The following EXT1 variants were observed in gnomAD, a reference collection of about 807,000 sequenced individuals.
The protein encoded by EXT1 is exostosin-1.
In EXT1, 20 loss-of-function variants were observed where a neutral mutation model predicts 82.5. That is an observed-to-expected ratio of 0.24 (90% CI 0.17 to 0.35). EXT1 has a LOEUF of 0.35. Among genes scored for constraint, EXT1 ranks in the 10% least tolerant of loss-of-function variants. The pLI, the probability that EXT1 is intolerant of heterozygous loss-of-function variation, is 1.00. For missense variants in EXT1, 757 were observed against 936.5 expected (o/e 0.81, Z 2.50); for synonymous variants, 348 against 350.8 (o/e 0.99, Z 0.09).
intron 1 of EXT1, among the ~76,000 whole-genome samples, chr8:118,066,528 T>C (rs564777201): frequency 6.6e-6 from 1 of 151,982 alleles, no homozygotes; most frequent in East Asian, 1.9e-4. Context: ...CCCAAAATAG[T>C]TTTTGTATTC....
At chr8:118,017,117 C>G (rs1816018113) in intron 1 of EXT1, among the ~76,000 whole-genome samples, 1 of 152,190 alleles carries the variant, frequency 6.6e-6, no homozygotes, top group Non-Finnish European at 1.5e-5. Flanking sequence ...AGATGTCCAT[C>G]ATCTTGAACG....
intron 1 of EXT1, among the ~76,000 whole-genome samples, chr8:117,858,856 A>AG (rs1269628326): frequency 2.7e-5 from 1 of 36,948 alleles, no homozygotes; most frequent in African/African-American, 1.1e-4. Flanking sequence ...AAAGAAAGAA[A>AG]GAAAGAAAGA....
At chr8:117,965,515 TA>T (rs1814790260) in intron 1 of EXT1, among the ~76,000 whole-genome samples, 2 of 152,080 alleles carry the variant, frequency 1.3e-5, no homozygotes, top group South Asian at 4.2e-4. Context: ...AGTCTCTGAT[TA>T]AATAGTTTCA....
chr8:117,881,622 C>CGGCAACT (rs1813060238), intron 1 of EXT1, among the ~76,000 whole-genome samples: 1 of 152,108 alleles, frequency 6.6e-6, no homozygotes, highest in Non-Finnish European at 1.5e-5. Flanking sequence ...GATTGGTTTG[C>CGGCAACT]GGCAACGTAA....
intron 7 of EXT1, among the ~76,000 whole-genome samples, chr8:117,814,372 AACCATAAGAATGCTGAC>A (rs1422764193): frequency 1.3e-5 from 2 of 152,080 alleles, no homozygotes; most frequent in Non-Finnish European, 2.9e-5. Flanking sequence ...TAGAGGAACT[AACCATAAGAATGCTGAC>A]ACCATAAGAA....
At chr8:117,881,926 T>C (rs1407059183) in intron 1 of EXT1, among the ~76,000 whole-genome samples, 1 of 152,162 alleles carries the variant, frequency 6.6e-6, no homozygotes, top group Admixed American at 6.5e-5. Flanking sequence ...CCCAGGACTA[T>C]CCTGGATAGA....
intron 1 of EXT1, among the ~76,000 whole-genome samples, chr8:117,939,636 C>T (rs1167817275): frequency 6.6e-6 from 1 of 151,694 alleles, no homozygotes; most frequent in Non-Finnish European, 1.5e-5. Flanking sequence ...AATTACTTGC[C>T]TAAAGTCCCA....
At chr8:117,891,319 G>T (rs185002441) in intron 1 of EXT1, among the ~76,000 whole-genome samples, 1 of 152,294 alleles carries the variant, frequency 6.6e-6, no homozygotes, top group African/African-American at 2.4e-5. Context: ...AACTTTAACT[G>T]CTCTAAAACA....
At chr8:117,892,436 T>G (rs538696001) in intron 1 of EXT1, among the ~76,000 whole-genome samples, 5 of 152,328 alleles carry the variant, frequency 3.3e-5, no homozygotes, top group South Asian at 4.1e-4. Flanking sequence ...CTGCTGCTGC[T>G]GCTGTTTGGA....
intron 1 of EXT1, among the ~76,000 whole-genome samples, chr8:117,873,633 T>C (rs1052834291): frequency 6.6e-6 from 1 of 152,036 alleles, no homozygotes; most frequent in African/African-American, 2.4e-5. Flanking sequence ...TTTTTGTATG[T>C]TTAGTAGAGA....
chr8:117,913,915 G>C (rs1813698920), intron 1 of EXT1, among the ~76,000 whole-genome samples: 1 of 152,136 alleles, frequency 6.6e-6, no homozygotes, highest in Non-Finnish European at 1.5e-5. Flanking sequence ...GCCCACCTCA[G>C]GACTTGAACT....
chr8:118,054,215 T>A (rs1441870199), intron 1 of EXT1, among the ~76,000 whole-genome samples: 2 of 152,206 alleles, frequency 1.3e-5, no homozygotes, highest in Non-Finnish European at 2.9e-5. Flanking sequence ...CAATGGTCTG[T>A]TGAGTATTTG....
At chr8:118,059,364 A>T (rs1816847162) in intron 1 of EXT1, among the ~76,000 whole-genome samples, 1 of 152,122 alleles carries the variant, frequency 6.6e-6, no homozygotes, top group African/African-American at 2.4e-5. Flanking sequence ...GCTTAATGAG[A>T]CTTGGAAAGT....
intron 3 of EXT1, among the ~76,000 whole-genome samples, chr8:117,835,013 T>C (rs910244384): frequency 1.1e-4 from 17 of 152,146 alleles, no homozygotes; most frequent in African/African-American, 3.6e-4. Context: ...GACTGGATCA[T>C]TTGAGGAACG....
chr8:117,813,731 C>T (rs1201303512), intron 7 of EXT1, among the ~76,000 whole-genome samples: 4 of 152,006 alleles, frequency 2.6e-5, no homozygotes, highest in Non-Finnish European at 5.9e-5. Context: ...TTAGGCCAGG[C>T]GTGGTGGCTC....
At chr8:117,861,440 G>A (rs1812682485) in intron 1 of EXT1, among the ~76,000 whole-genome samples, 1 of 146,882 alleles carries the variant, frequency 6.8e-6, no homozygotes, top group Non-Finnish European at 1.5e-5. Flanking sequence ...TGGGGGGTAT[G>A]TATGAAAGGA....
At chr8:117,932,760 T>C (rs778696453) in intron 1 of EXT1, among the ~76,000 whole-genome samples, 2 of 152,158 alleles carry the variant, frequency 1.3e-5, no homozygotes, top group Non-Finnish European at 2.9e-5. Context: ...ACCCAGAAAA[T>C]ACTTTTATGA....
At chr8:118,012,226 G>A (rs1162602081) in intron 1 of EXT1, among the ~76,000 whole-genome samples, 2 of 152,244 alleles carry the variant, frequency 1.3e-5, no homozygotes, top group Admixed American at 6.5e-5. Context: ...GGTGCAAAGC[G>A]ATCCTGTGAT....
chr8:117,870,922 A>G (rs533984957), intron 1 of EXT1, among the ~76,000 whole-genome samples: 1 of 152,250 alleles, frequency 6.6e-6, no homozygotes, highest in South Asian at 2.1e-4. Context: ...TATAAACAGC[A>G]TTCAGGGGAA....
Sources: allele counts gnomAD v4.1 joint callset (sites outside exome capture counted in the v4.1 genomes callset), GRCh38; gene constraint gnomAD v4.1.1; transcripts MANE v1.5; gene names NCBI Gene and HGNC (gene_info 2026-07-23, HGNC 2026-07-21).